Variants in IFT52 observed in about 807,000 individuals in gnomAD.
IFT52 encodes intraflagellar transport protein 52 homolog.
A neutral mutation model predicts 54.4 loss-of-function variants in IFT52; 44 were observed. The ratio of observed to expected loss-of-function variants is 0.81; its 90% CI spans 0.63 to 1.04. The LOEUF is 1.04. Among genes scored for constraint, IFT52 ranks in the 50% least tolerant of loss-of-function variants. The pLI, the probability that IFT52 is intolerant of heterozygous loss-of-function variation, is 0.00. For synonymous variants in IFT52, 181 were observed against 185.3 expected, an observed-to-expected ratio of 0.98 and a Z score of 0.19; for missense variants, 452 against 523.6, an observed-to-expected ratio of 0.86 and a Z score of 1.33.
chr20:43,636,104 C>T, intron 11 of IFT52, 91 bp downstream of exon 11: 1 of 1,168,076 alleles, frequency 8.6e-7, no homozygotes, highest in Non-Finnish European at 1.3e-6. Flanking sequence ...CTTCCATGTG[C>T]CATTTGTGGC....
intron 1 of IFT52, among the ~76,000 whole-genome samples, chr20:43,593,877 T>C (rs930726860): frequency 1.3e-5 from 2 of 152,028 alleles, no homozygotes; most frequent in African/African-American, 4.8e-5. Context: ...TGTAGCTGTT[T>C]AAAAGAATAT....
chr20:43,636,127 G>A (rs958271747), intron 11 of IFT52, 114 bp downstream of exon 11: 2 of 912,644 alleles, frequency 2.2e-6, no homozygotes, highest in South Asian at 1.4e-5. Context: ...TCCTTGTGGA[G>A]TCATAGTGCT....
At chr20:43,646,252 A>G (rs1315833335) in intron 13 of IFT52, among the ~76,000 whole-genome samples, 3 of 152,006 alleles carry the variant, frequency 2.0e-5, no homozygotes. Context: ...TCACTTTTGC[A>G]GCAAAAAAAG....
At chr20:43,609,771 G>A (rs1216872626) in intron 6 of IFT52, among the ~76,000 whole-genome samples, 3 of 81,522 alleles carry the variant, frequency 3.7e-5, no homozygotes, top group Admixed American at 1.7e-4. Flanking sequence ...GCGAAACTCC[G>A]TCTCAAAAAA....
chr20:43,613,313 T>C (rs1983599327), intron 6 of IFT52, among the ~76,000 whole-genome samples: 1 of 152,216 alleles, frequency 6.6e-6, no homozygotes, highest in Non-Finnish European at 1.5e-5. Context: ...ATCCTCTTCC[T>C]CCTCCCTCCA....
chr20:43,624,513 A>G (rs1984581752), intron 10 of IFT52, among the ~76,000 whole-genome samples: 1 of 152,186 alleles, frequency 6.6e-6, no homozygotes, highest in South Asian at 2.1e-4. Flanking sequence ...TGCAGGTGGA[A>G]CTACAAGTTT....
At chr20:43,616,627 AAGAC>A (rs1471678419) in intron 7 of IFT52, among the ~76,000 whole-genome samples, 25 of 152,148 alleles carry the variant, frequency 1.6e-4, no homozygotes, top group African/African-American at 5.8e-4. Context: ...CCAAGACTCT[AAGAC>A]AGCCCAGGTT....
chr20:43,616,906 G>C (rs1441337570), intron 7 of IFT52, among the ~76,000 whole-genome samples: 1 of 151,882 alleles, frequency 6.6e-6, no homozygotes, highest in Non-Finnish European at 1.5e-5. Context: ...CTGGCTACTT[G>C]GGAGGCTGAG....
intron 6 of IFT52, among the ~76,000 whole-genome samples, chr20:43,611,296 G>C (rs1474880322): frequency 6.6e-6 from 1 of 151,990 alleles, no homozygotes; most frequent in Non-Finnish European, 1.5e-5. Flanking sequence ...TTCATCTTAG[G>C]GACTTTACAC....
intron 3 of IFT52, among the ~76,000 whole-genome samples, chr20:43,597,137 C>T (rs1184485107): frequency 2.0e-5 from 3 of 151,256 alleles, no homozygotes; most frequent in Non-Finnish European, 4.4e-5. Flanking sequence ...TTTGGGAGGC[C>T]GAGGCAGGCA....
At chr20:43,619,475 C>T (rs992638933) in intron 8 of IFT52, among the ~76,000 whole-genome samples, 5 of 152,008 alleles carry the variant, frequency 3.3e-5, no homozygotes, top group Non-Finnish European at 5.9e-5. Flanking sequence ...TGGAAAGATT[C>T]TTCTGTCAGT....
At chr20:43,597,162 G>A (rs1982039662) in intron 3 of IFT52, among the ~76,000 whole-genome samples, 1 of 151,500 alleles carries the variant, frequency 6.6e-6, no homozygotes, top group South Asian at 2.1e-4. Flanking sequence ...ACCTGAGGTC[G>A]GGAGTTCAAG....
chr20:43,622,734 T>C (rs1984410998), intron 9 of IFT52, among the ~76,000 whole-genome samples: 1 of 142,440 alleles, frequency 7.0e-6, no homozygotes, highest in South Asian at 2.1e-4. Context: ...TATAAATATA[T>C]ACATATTTTT....
At chr20:43,629,132 CTT>C (rs1209642018) in intron 10 of IFT52, among the ~76,000 whole-genome samples, 1 of 152,142 alleles carries the variant, frequency 6.6e-6, no homozygotes, top group African/African-American at 2.4e-5. Context: ...GGGGCAATAT[CTT>C]TTGTAAATGC....
chr20:43,601,187 CATATTA>C (rs1436912931), intron 3 of IFT52, among the ~76,000 whole-genome samples: 1 of 151,868 alleles, frequency 6.6e-6, no homozygotes, highest in Non-Finnish European at 1.5e-5. Flanking sequence ...AATATTTTGC[CATATTA>C]ATATTAATAT....
intron 3 of IFT52, among the ~76,000 whole-genome samples, chr20:43,602,607 C>T (rs1411896681): frequency 5.3e-5 from 8 of 152,116 alleles, no homozygotes; most frequent in Non-Finnish European, 1.2e-4. Context: ...CACCTGGGTT[C>T]AAGCAATTCC....
At chr20:43,636,691 A>G (rs763780450) in intron 11 of IFT52, among the ~76,000 whole-genome samples, 3 of 152,216 alleles carry the variant, frequency 2.0e-5, no homozygotes, top group Admixed American at 2.0e-4. Context: ...CTGGTTCTCC[A>G]AATAACTTCC....
At chr20:43,646,551 G>C (rs1986212806) in intron 13 of IFT52, among the ~76,000 whole-genome samples, 1 of 152,188 alleles carries the variant, frequency 6.6e-6, no homozygotes, top group Admixed American at 6.6e-5. Context: ...AGGGAACCCA[G>C]AGATGAGGGT....
chr20:43,617,265 ATG>A (rs1983928623), intron 7 of IFT52, among the ~76,000 whole-genome samples: 1 of 152,214 alleles, frequency 6.6e-6, no homozygotes, highest in Admixed American at 6.5e-5. Flanking sequence ...TTCAGCAACA[ATG>A]TGTGAAAGAA....
Sources: allele counts gnomAD v4.1 joint callset (sites outside exome capture counted in the v4.1 genomes callset), GRCh38; gene constraint gnomAD v4.1.1; transcripts MANE v1.5; gene names NCBI Gene and HGNC (gene_info 2026-07-23, HGNC 2026-07-21).